Variants in NYAP2 observed in about 807,000 individuals in gnomAD.
NYAP2 encodes neuronal tyrosine-phosphorylated phosphoinositide-3-kinase adaptor 2.
NYAP2 carries 23 observed loss-of-function variants against 50.4 expected under a neutral mutation model. The observed-to-expected ratio is 0.46, with a 90% CI of 0.33 to 0.65. The LOEUF (loss-of-function observed/expected upper bound fraction) is 0.65. Ranked by LOEUF, NYAP2 falls within the 30% of genes least tolerant of loss-of-function variation. The pLI, the probability that NYAP2 is intolerant of heterozygous loss-of-function variation, is 0.02. For synonymous variants in NYAP2, 394 were observed against 365.2 expected (o/e 1.08, Z -0.90); for missense variants, 885 against 861.0 (o/e 1.03, Z -0.35).
At chr2:225,691,848 A>T in the NYAP2 span, among the ~76,000 whole-genome samples, 2 of 152,008 alleles carry the variant, frequency 1.3e-5, no homozygotes, top group African/African-American at 2.4e-5. Flanking sequence ...AACTTTGAGA[A>T]CTCCAGCTTC....
At chr2:225,543,968 T>C (rs1036560801) in intron 4 of NYAP2, among the ~76,000 whole-genome samples, 2 of 152,106 alleles carry the variant, frequency 1.3e-5, no homozygotes, top group African/African-American at 4.8e-5. Context: ...TTTACAATTG[T>C]TATATCCTCT....
At chr2:225,411,640 G>A (rs909571325) in intron 3 of NYAP2, among the ~76,000 whole-genome samples, 2 of 152,022 alleles carry the variant, frequency 1.3e-5, no homozygotes, top group Admixed American at 1.3e-4. Flanking sequence ...CCCCCTGGAG[G>A]CACCTGATTG....
chr2:225,608,629 A>T (rs1003723897), intron 5 of NYAP2, among the ~76,000 whole-genome samples: 35 of 152,162 alleles, frequency 2.3e-4, no homozygotes, highest in African/African-American at 5.3e-4. Context: ...TCAATTTTTT[A>T]AAAAAAGTAT....
intron 3 of NYAP2, among the ~76,000 whole-genome samples, chr2:225,426,131 T>G (rs1210079441): frequency 6.9e-5 from 6 of 86,456 alleles, no homozygotes; most frequent in African/African-American, 2.9e-4. Flanking sequence ...TTGCTTTCTT[T>G]CTCTTTTCTT....
intron 3 of NYAP2, among the ~76,000 whole-genome samples, chr2:225,425,235 C>T (rs966675091): frequency 1.3e-5 from 2 of 152,142 alleles, no homozygotes; most frequent in African/African-American, 4.8e-5. Context: ...AAAGGTACAG[C>T]CATCTGCCAG....
chr2:225,460,958 A>G (rs1559186033), intron 3 of NYAP2, among the ~76,000 whole-genome samples: 1 of 139,210 alleles, frequency 7.2e-6, no homozygotes, highest in African/African-American at 2.8e-5. Flanking sequence ...GCGCCACTGC[A>G]CTCCTGCCTG....
At chr2:225,421,898 T>C (rs1179061869) in intron 3 of NYAP2, among the ~76,000 whole-genome samples, 1 of 152,232 alleles carries the variant, frequency 6.6e-6, no homozygotes, top group Non-Finnish European at 1.5e-5. Context: ...TCAGTACCAA[T>C]ACATTCATTT....
intron 5 of NYAP2, among the ~76,000 whole-genome samples, chr2:225,613,080 C>T (rs923305561): frequency 2.0e-5 from 3 of 152,112 alleles, no homozygotes; most frequent in African/African-American, 4.8e-5. Context: ...CACACAATTA[C>T]GAGGCGAAGT....
the NYAP2 span, among the ~76,000 whole-genome samples, chr2:225,666,127 T>C: frequency 6.6e-6 from 1 of 152,040 alleles, no homozygotes; most frequent in Admixed American, 6.5e-5. Context: ...CAATTTACCT[T>C]TTTCTTCTCT....
intron 3 of NYAP2, among the ~76,000 whole-genome samples, chr2:225,506,443 G>T (rs1690708579): frequency 6.6e-6 from 1 of 152,162 alleles, no homozygotes; most frequent in Non-Finnish European, 1.5e-5. Context: ...TTGAGTTGAG[G>T]CATATTCCTT....
At chr2:225,590,855 A>G (rs1453294740) in intron 5 of NYAP2, among the ~76,000 whole-genome samples, 1 of 152,210 alleles carries the variant, frequency 6.6e-6, no homozygotes, top group Non-Finnish European at 1.5e-5. Context: ...AATGGAATAC[A>G]TGGTGGGCGA....
intron 5 of NYAP2, among the ~76,000 whole-genome samples, chr2:225,605,950 G>A (rs572312932): frequency 5.9e-5 from 9 of 152,120 alleles, no homozygotes; most frequent in South Asian, 2.1e-4. Context: ...AAAACTTTCC[G>A]TAATATAAAA....
chr2:225,656,096 G>A (rs1425142753), downstream of NYAP2, among the ~76,000 whole-genome samples: 5 of 152,144 alleles, frequency 3.3e-5, no homozygotes, highest in Non-Finnish European at 4.4e-5. Context: ...ACACTAAACT[G>A]AATTATCTCT....
chr2:225,683,136 G>C, the NYAP2 span, among the ~76,000 whole-genome samples: 1 of 152,092 alleles, frequency 6.6e-6, no homozygotes, highest in Non-Finnish European at 1.5e-5. Context: ...TTGTGAACTG[G>C]GATGATATCA....
intron 3 of NYAP2, among the ~76,000 whole-genome samples, chr2:225,435,808 C>A (rs1200572068): frequency 2.0e-5 from 3 of 152,172 alleles, no homozygotes; most frequent in Non-Finnish European, 4.4e-5. Context: ...CATATATTTA[C>A]TACATGATCA....
rs553528103 is a variant in NYAP2 at position 225,617,354 on chromosome 2, G to A, written c.1619-9563G>A. 9.9e-5 allele frequency among the ~76,000 whole-genome samples: 15 copies of A among 152,028 alleles called. No individual in the cohort carries two copies. The South Asian group carries it at 3.1e-3, about 32-fold the overall frequency. On this transcript the variant is annotated intron_variant, in intron 5 of 6. Coordinates refer to ENST00000636099, the Ensembl canonical transcript of NYAP2. ...TGAGGCAGGAGAATTGCTTGAACCC[G>A]GGAGATGGAGGTTGCGGTGAGCCGA...
Position 225,512,825 on chromosome 2 carries a change from C to CTT in NYAP2, c.222-545_222-544insTT, listed in dbSNP as rs1181527935. On this transcript the variant is annotated intron_variant, in intron 3 of 6. Coordinates refer to ENST00000636099, the Ensembl canonical transcript of NYAP2. The stretch of plus-strand genomic sequence containing the variant: ...CTCTCTTTCTTTTCTTTCTTTCTCT[C>CTT]TCTCTCTCTCTCTTTCTTTCTTTCT... 6.1e-4 allele frequency among the ~76,000 whole-genome samples: 30 copies of CTT among 49,272 alleles called. 2 individuals are homozygous for CTT. Among genetic ancestry groups the CTT allele is most frequent in the African/African-American group, 3.2e-3 (29 of 8,928 alleles). The allele number at this position is 49,272 out of a possible 152,430, so 32.3% of individuals were successfully genotyped here.
In NYAP2 at chr2:225,582,493, A is replaced by G. The variant is rs772569486; in HGVS notation, c.1076A>G (p.Glu359Gly). The G allele has an allele frequency of 4.6e-5, 62 of 1,338,066 alleles. No homozygotes were observed. Among genetic ancestry groups the G allele is most frequent in the Non-Finnish European group, 6.1e-5 (62 of 1,017,334 alleles). The allele number at this position is 1,338,066 out of a possible 1,614,324, so 82.9% of individuals were successfully genotyped here. ...GACGAGTCCCCGCTTACCCCTCTGG[A>G]GGTCACGAAGCTTCCCGTGCTGGAA... Residue 359 changes from glutamate to glycine, a missense_variant, in exon 5 of 7, where the codon GAG becomes GGG. By Grantham distance (98) the Glu-to-Gly change is moderately conservative. Transcript: ENST00000636099. This position sits in a 1 kb window ranked among gnomAD's most constrained non-coding sequence, Gnocchi z 7.0.
At chr2:225,456,051 A>G (rs1038489824) in intron 3 of NYAP2, among the ~76,000 whole-genome samples, 3 of 152,226 alleles carry the variant, frequency 2.0e-5, no homozygotes, top group Non-Finnish European at 4.4e-5. Context: ...GTCTCCCAGT[A>G]TCTAAGCATA....
Sources: gnomAD v4.1 joint callset for allele counts (sites outside exome capture counted in the v4.1 genomes callset) on GRCh38, gnomAD v4.1.1 for gene constraint, Gnocchi (gnomAD v3.1) non-coding constraint, MANE v1.5 for transcripts, NCBI Gene and HGNC (gene_info 2026-07-23, HGNC 2026-07-21) for gene names.